The following KSR2 variants were observed in gnomAD, a reference collection of about 807,000 sequenced individuals.
The protein encoded by KSR2 is kinase suppressor of ras 2.
KSR2 carries 25 observed loss-of-function variants against 107.8 expected under a neutral mutation model. The observed-to-expected ratio is 0.23, with a 90% CI of 0.17 to 0.32. KSR2 has a LOEUF of 0.32. Ranked by LOEUF, KSR2 falls within the 10% of genes least tolerant of loss-of-function variation. The pLI is 1.00. For synonymous variants in KSR2, 480 were observed against 507.0 expected (o/e 0.95, Z 0.71); for missense variants, 887 against 1,268.9 (o/e 0.70, Z 4.57).
At chr12:117,791,634 T>C (rs1042851152) in intron 3 of KSR2, among the ~76,000 whole-genome samples, 1 of 152,166 alleles carries the variant, frequency 6.6e-6, no homozygotes, top group Non-Finnish European at 1.5e-5. Flanking sequence ...AGAGGTGCTT[T>C]CTAGAAAGGT....
chr12:117,797,530 G>C (rs907907305), intron 3 of KSR2, among the ~76,000 whole-genome samples: 1 of 110,716 alleles, frequency 9.0e-6, no homozygotes, highest in South Asian at 3.4e-4. Flanking sequence ...TTTCTATTTG[G>C]TGTGATGACA....
chr12:117,666,343 G>C (rs1884658503), intron 5 of KSR2, among the ~76,000 whole-genome samples: 1 of 152,150 alleles, frequency 6.6e-6, no homozygotes, highest in African/African-American at 2.4e-5. Flanking sequence ...AATTCTCAAA[G>C]TGTAAGAACC....
At chr12:117,706,700 A>G (rs1358359655) in intron 4 of KSR2, among the ~76,000 whole-genome samples, 2 of 152,128 alleles carry the variant, frequency 1.3e-5, no homozygotes, top group Non-Finnish European at 2.9e-5. Flanking sequence ...TAAATTTACT[A>G]AAATGCATTG....
chr12:117,640,778 A>G (rs1278018965), intron 5 of KSR2, among the ~76,000 whole-genome samples: 1 of 152,130 alleles, frequency 6.6e-6, no homozygotes, highest in Non-Finnish European at 1.5e-5. Context: ...TTTGGGAAAG[A>G]GTATGTAACT....
At chr12:117,604,901 T>C (rs1195876732) in intron 5 of KSR2, among the ~76,000 whole-genome samples, 1 of 152,154 alleles carries the variant, frequency 6.6e-6, no homozygotes, top group Non-Finnish European at 1.5e-5. Flanking sequence ...CCAGGGCCAC[T>C]GCATTTTCTC....
At chr12:117,526,126 G>A (rs1875141896) in intron 13 of KSR2, among the ~76,000 whole-genome samples, 1 of 152,130 alleles carries the variant, frequency 6.6e-6, no homozygotes, top group South Asian at 2.1e-4. Flanking sequence ...CAGATTCCTG[G>A]GCCCCACCCA....
intron 3 of KSR2, among the ~76,000 whole-genome samples, chr12:117,839,020 G>A (rs772169374): frequency 6.6e-6 from 1 of 152,220 alleles, no homozygotes; most frequent in Admixed American, 6.5e-5. Context: ...ACAAAAGCAG[G>A]TGGAGGGCTG....
chr12:117,800,294 G>A (rs1890785322), intron 3 of KSR2, among the ~76,000 whole-genome samples: 1 of 152,118 alleles, frequency 6.6e-6, no homozygotes, highest in South Asian at 2.1e-4. Flanking sequence ...TATACATGTT[G>A]GGTGGGTCCT....
chr12:117,652,734 G>C (rs1278877167), intron 5 of KSR2, among the ~76,000 whole-genome samples: 1 of 152,210 alleles, frequency 6.6e-6, no homozygotes, highest in Non-Finnish European at 1.5e-5. Context: ...CACTGACTCT[G>C]AGCTGACACA....
At chr12:117,498,503 G>A (rs538238295) in intron 14 of KSR2, among the ~76,000 whole-genome samples, 76 of 152,306 alleles carry the variant, frequency 5.0e-4, no homozygotes, top group South Asian at 3.5e-3. Flanking sequence ...TGGAATGAGT[G>A]CATGGATAAA....
intron 3 of KSR2, among the ~76,000 whole-genome samples, chr12:117,765,618 T>C (rs1419112844): frequency 2.0e-5 from 3 of 152,170 alleles, no homozygotes; most frequent in African/African-American, 7.2e-5. Context: ...AAAAAAAACC[T>C]ATTTTTGCAG....
rs748630447 is a variant in KSR2 at position 117,968,057 on chromosome 12, T to TC, written c.180+18dup. 5 of 722,688 alleles carry TC rather than the reference T, an allele frequency of 6.9e-6. No homozygotes were observed. Among genetic ancestry groups the TC allele is most frequent in the East Asian group, 3.2e-5 (1 of 31,118 alleles). The allele number at this position is 722,688 out of a possible 1,614,324, so 44.8% of individuals were successfully genotyped here. A position where few individuals can be genotyped will look rare whatever the true frequency, so the allele number is the denominator to read the frequency against. On this transcript the variant is annotated intron_variant, in intron 1 of 19. Transcript: ENST00000339824. ...TTTTTTTTTTTTTTTTTTTTTTTTT[T>TC]CCCGTAGGCAACACCTACCTCCAGG...
Position 117,761,121 on chromosome 12 carries a change from C to T in KSR2, c.876G>A (p.Pro292=). The T allele has an allele frequency of 1.9e-6, 3 of 1,613,170 alleles. No individual in the cohort carries two copies. The highest frequency in any genetic ancestry group is 1.7e-6 in the Non-Finnish European group (2 of 1,179,468). Residue 292 remains proline (P), a synonymous_variant, in exon 4 of 20, where the codon CCG becomes CCA. Transcript: ENST00000339824. ...AGTGTATCAGTTTTCGGGAGGAGGG[C>T]GGTGGGGTCCCCGGGGGCTTCAGCT... The part of the protein sequence containing the change: ...KNKLKPPGTP[P]PSSRKLIHLI...
At chr12:117,962,025 G>A (rs1896673793) in intron 1 of KSR2, among the ~76,000 whole-genome samples, 1 of 151,640 alleles carries the variant, frequency 6.6e-6, no homozygotes, top group Non-Finnish European at 1.5e-5. Context: ...TGTGGCTGTA[G>A]TCTCAGCTAC....
chr12:117,904,329 A>G (rs12299038), intron 1 of KSR2, among the ~76,000 whole-genome samples: 19,120 of 152,234 alleles, frequency 0.13, 1,488 homozygotes, highest in African/African-American at 0.21. Flanking sequence ...TGAGTTTGAA[A>G]TTCTAAGAAT....
chr12:117,961,642 T>C lies in KSR2; in HGVS notation c.180+6434A>G, dbSNP rs144992424. Among the ~76,000 whole-genome samples the C allele has an allele frequency of 2.6e-4, 40 of 152,272 alleles. 1 individual carries two copies. In the East Asian group the frequency reaches 6.0e-3, roughly 23 times the overall value. Reference sequence around the variant, plus strand: ...GGCTGCAGGGAGAGAAAGTCTCAGCTTTCCTATCCTCCTCCCTTTCCACCA... The same window carrying C: ...GGCTGCAGGGAGAGAAAGTCTCAGCCTTCCTATCCTCCTCCCTTTCCACCA... On this transcript the variant is annotated intron_variant, in intron 1 of 19. Coordinates refer to ENST00000339824, the MANE Select transcript of KSR2 (RefSeq NM_173598.6).
chr12:117,557,830 A>G (rs559926021), intron 8 of KSR2, among the ~76,000 whole-genome samples: 1 of 152,302 alleles, frequency 6.6e-6, no homozygotes, highest in South Asian at 2.1e-4. Flanking sequence ...CCATAGGGCA[A>G]AGATCAGGGG....
intron 10 of KSR2, among the ~76,000 whole-genome samples, chr12:117,538,440 T>C (rs1322498375): frequency 6.6e-6 from 1 of 151,906 alleles, no homozygotes; most frequent in East Asian, 1.9e-4. Context: ...GATGGTTGCA[T>C]GTGGGTGCCG....
At chr12:117,735,578 A>G (rs1027083028) in intron 4 of KSR2, among the ~76,000 whole-genome samples, 3 of 152,146 alleles carry the variant, frequency 2.0e-5, no homozygotes, top group African/African-American at 7.2e-5. Flanking sequence ...CATGTTAATA[A>G]TAATAACTGT....
Sources: gnomAD v4.1 joint callset for allele counts (sites outside exome capture counted in the v4.1 genomes callset) on GRCh38, gnomAD v4.1.1 for gene constraint, MANE v1.5 for transcripts, NCBI Gene and HGNC (gene_info 2026-07-23, HGNC 2026-07-21) for gene names.